TRAK1: variants seen among roughly 807,000 people sequenced by gnomAD.
The protein encoded by TRAK1 is trafficking kinesin protein 1.
A neutral mutation model predicts 92.1 loss-of-function variants in TRAK1; 33 were observed. The ratio of observed to expected loss-of-function variants is 0.36; its 90% CI spans 0.27 to 0.48. The LOEUF (loss-of-function observed/expected upper bound fraction) is 0.48. Ranked by LOEUF, TRAK1 falls within the 20% of genes least tolerant of loss-of-function variation. The probability of loss-of-function intolerance (pLI) is 0.99; values close to 1 mark genes in which losing one functional copy is unlikely to be tolerated. For missense variants in TRAK1, 1,123 were observed against 1,257.9 expected (o/e 0.89, Z 1.62); for synonymous variants, 521 against 517.3 (o/e 1.01, Z -0.10).
chr3:42,149,610 C>A, intron 2 of TRAK1: 1 of 1,535,968 alleles, frequency 6.5e-7, no homozygotes, highest in Non-Finnish European at 8.7e-7. Context: ...GTAATTATGG[C>A]CCCTGCAAAA....
intron 1 of TRAK1, among the ~76,000 whole-genome samples, chr3:42,078,639 G>C (rs1291222715): frequency 2.6e-5 from 4 of 151,742 alleles, no homozygotes; most frequent in Non-Finnish European, 4.4e-5. Flanking sequence ...TGTAGTCCCA[G>C]CTACTCGGGA....
chr3:42,124,207 C>T (rs577690990), intron 1 of TRAK1, among the ~76,000 whole-genome samples: 23 of 151,864 alleles, frequency 1.5e-4, no homozygotes, highest in African/African-American at 5.6e-4. Context: ...GTTGAAGAGT[C>T]ATTCCTAGAA....
At chr3:42,204,198 C>T (rs530274555) in intron 13 of TRAK1, 1 of 985,626 alleles carries the variant, frequency 1.0e-6, no homozygotes, top group East Asian at 1.1e-4. Context: ...TACTTTCTGC[C>T]TTACTTTTCT....
chr3:42,071,755 C>T (rs964504531), intron 1 of TRAK1, among the ~76,000 whole-genome samples: 1 of 151,772 alleles, frequency 6.6e-6, no homozygotes, highest in African/African-American at 2.4e-5. Flanking sequence ...TTCTTTCTCC[C>T]CCAGAGACCC....
At chr3:42,059,801 G>A (rs983799897) in intron 1 of TRAK1, among the ~76,000 whole-genome samples, 4 of 152,176 alleles carry the variant, frequency 2.6e-5, no homozygotes, top group Non-Finnish European at 5.9e-5. Flanking sequence ...TGGCTTCACC[G>A]TTTGCTTGTG....
intron 14 of TRAK1, chr3:42,212,731 AT>A: frequency 3.4e-6 from 1 of 294,670 alleles, no homozygotes; most frequent in Non-Finnish European, 5.0e-6. Flanking sequence ...AGTACTCTGT[AT>A]TTTAGGCATT....
intron 1 of TRAK1, among the ~76,000 whole-genome samples, chr3:42,071,163 A>G (rs182296028): frequency 9.8e-4 from 149 of 152,354 alleles, no homozygotes; most frequent in Non-Finnish European, 1.7e-3. Flanking sequence ...ATTTTTTAAA[A>G]GCCAAGTTCC....
intron 1 of TRAK1, among the ~76,000 whole-genome samples, chr3:42,066,325 C>T (rs1703674051): frequency 6.6e-6 from 1 of 151,360 alleles, no homozygotes; most frequent in Non-Finnish European, 1.5e-5. Flanking sequence ...GACTCTGTCT[C>T]AAAAAAAAGA....
chr3:42,197,039 C>CAT (rs1252123824), intron 10 of TRAK1, among the ~76,000 whole-genome samples: 2 of 145,516 alleles, frequency 1.4e-5, no homozygotes, highest in East Asian at 2.0e-4. Flanking sequence ...CACACACACA[C>CAT]GTTGTTATAT....
At position 42,223,041 on chromosome 3, in the gene TRAK1, G is replaced by A. The variant is rs768733319; in HGVS notation, c.2166G>A (p.Glu722=). ...PCTPRRLSLA[E]SFTNTRESTT... ...CTCCACGGAGACTGAGCCTGGCTGA[G>A]TCCTTCACTAACACCCGTGAGTCCA... is the stretch of plus-strand genomic sequence containing the variant. Residue 722 remains glutamate (E), a synonymous_variant, in exon 16 of 16, where the codon GAG becomes GAA. Transcript: ENST00000327628. This position sits in a 1 kb window ranked among gnomAD's most constrained non-coding sequence, Gnocchi z 6.1. The A allele has an allele frequency of 5.6e-6, 9 of 1,614,148 alleles. No individual in the cohort carries two copies. The highest frequency in any genetic ancestry group is 4.4e-5 in the South Asian group (4 of 91,090).
intron 1 of TRAK1, among the ~76,000 whole-genome samples, chr3:42,027,111 C>G (rs1701951034): frequency 6.6e-6 from 1 of 152,088 alleles, no homozygotes; most frequent in Non-Finnish European, 1.5e-5. Flanking sequence ...AATTTTATAG[C>G]TAAGCACAAA....
intron 1 of TRAK1, among the ~76,000 whole-genome samples, chr3:42,014,385 C>T (rs1475253375): frequency 6.6e-6 from 1 of 152,170 alleles, no homozygotes; most frequent in Non-Finnish European, 1.5e-5. Flanking sequence ...GTGAGGCGAC[C>T]TTCAAAGAGC....
At chr3:42,201,160 C>G (rs1025929240) in intron 12 of TRAK1, 106 bp downstream of exon 12, 13 of 1,238,590 alleles carry the variant, frequency 1.0e-5, no homozygotes, top group Non-Finnish European at 1.3e-5. Flanking sequence ...TGAGAGTCAC[C>G]TGAAAAATAC....
intron 1 of TRAK1, among the ~76,000 whole-genome samples, chr3:42,018,048 C>G (rs1421539319): frequency 3.0e-5 from 4 of 131,810 alleles, no homozygotes; most frequent in South Asian, 2.3e-4. Context: ...CCCAGGAGTT[C>G]GAGACCAGCC....
At chr3:42,014,157 G>A (rs1194478616) in intron 1 of TRAK1, 1 of 152,292 alleles carries the variant, frequency 6.6e-6, no homozygotes, top group African/African-American at 2.4e-5. Context: ...CCTGCGCCTC[G>A]GGCCCAGGGG....
At chr3:42,144,420 A>G (rs1699081331) in intron 2 of TRAK1, among the ~76,000 whole-genome samples, 1 of 152,186 alleles carries the variant, frequency 6.6e-6, no homozygotes, top group East Asian at 1.9e-4. Context: ...AATCACCCCC[A>G]TTTAGCAGAT....
chr3:42,028,300 G>A (rs559581646), intron 1 of TRAK1, among the ~76,000 whole-genome samples: 3 of 152,180 alleles, frequency 2.0e-5, no homozygotes, highest in East Asian at 1.9e-4. Context: ...CAGGTCTTCC[G>A]CAGGTAAGAA....
chr3:42,101,489 T>C (rs145617787), intron 1 of TRAK1, among the ~76,000 whole-genome samples: 2 of 152,318 alleles, frequency 1.3e-5, no homozygotes, highest in South Asian at 2.1e-4. Flanking sequence ...CTCTGAATTA[T>C]TGGCTTCTTC....
intron 5 of TRAK1, 102 bp from the exon 6 acceptor site, chr3:42,188,914 T>C (rs188036131): frequency 1.7e-4 from 132 of 796,968 alleles, no homozygotes; most frequent in South Asian, 1.3e-3. Flanking sequence ...GTCTGGTGGG[T>C]CATTGTCCTT....
Sources: allele counts gnomAD v4.1 joint callset (sites outside exome capture counted in the v4.1 genomes callset), GRCh38; gene constraint gnomAD v4.1.1; non-coding constraint Gnocchi (gnomAD v3.1); transcripts MANE v1.5; gene names NCBI Gene and HGNC (gene_info 2026-07-23, HGNC 2026-07-21).